RASGEF1C: variants seen among roughly 807,000 people sequenced by gnomAD.
RASGEF1C encodes the protein RasGEF domain family member 1C.
In RASGEF1C, 27 loss-of-function variants were observed where a neutral mutation model predicts 58.1. The observed-to-expected ratio is 0.46, with a 90% CI of 0.34 to 0.64. The LOEUF is 0.64. Among genes scored for constraint, RASGEF1C ranks in the 30% least tolerant of loss-of-function variants. The pLI, the probability that RASGEF1C is intolerant of heterozygous loss-of-function variation, is 0.01. For missense variants in RASGEF1C, 502 were observed against 605.1 expected (o/e 0.83, Z 1.79); for synonymous variants, 243 against 246.3 (o/e 0.99, Z 0.13).
chr5:180,186,923 G>T (rs57422123), intron 1 of RASGEF1C, among the ~76,000 whole-genome samples: 22,299 of 152,112 alleles, frequency 0.15, 1,996 homozygotes, highest in Admixed American at 0.22. Flanking sequence ...CTCCAGCCTG[G>T]GTGACAGAGC....
At chr5:180,128,658 A>T in intron 4 of RASGEF1C, 48 bp from the exon 5 acceptor site, 1 of 1,570,198 alleles carries the variant, frequency 6.4e-7, no homozygotes, top group Non-Finnish European at 8.7e-7. Context: ...TCATCTCTGC[A>T]TCTCTAACAC....
chr5:180,140,032 G>C (rs570907010), intron 1 of RASGEF1C, among the ~76,000 whole-genome samples: 135 of 152,316 alleles, frequency 8.9e-4, no homozygotes, highest in Non-Finnish European at 1.8e-3. Flanking sequence ...TTCTGAAGGA[G>C]GCCAGGAGGC....
At chr5:180,134,021 G>A (rs143458978) in intron 4 of RASGEF1C, among the ~76,000 whole-genome samples, 5 of 152,266 alleles carry the variant, frequency 3.3e-5, no homozygotes, top group African/African-American at 7.2e-5. Flanking sequence ...TTGAGGTCAC[G>A]CAGCTGTGGT....
chr5:180,136,386 A>AG lies in RASGEF1C; in HGVS notation c.429dup (p.Cys144LeufsTer2). On this transcript the variant is annotated frameshift_variant, in exon 4 of 14. Transcript: ENST00000361132. LOFTEE classifies it high-confidence loss of function. Reference sequence around the variant, plus strand: ...CCCGCCCAGCTGCCCACCTCGTCACAGGGGGCGATGCGGCCCACGACGTCC... The same window carrying AG: ...CCCGCCCAGCTGCCCACCTCGTCACAGGGGGGCGATGCGGCCCACGACGTCC... The AG allele has an allele frequency of 1.3e-6, 2 of 1,556,318 alleles. No individual in the cohort carries two copies. The highest frequency in any genetic ancestry group is 8.7e-7 in the Non-Finnish European group (1 of 1,150,044).
chr5:180,195,593 T>C (rs1756255516), intron 1 of RASGEF1C, among the ~76,000 whole-genome samples: 1 of 151,770 alleles, frequency 6.6e-6, no homozygotes, highest in African/African-American at 2.4e-5. Flanking sequence ...ACCCCGTCTC[T>C]ACTAAAAATA....
At chr5:180,180,880 C>T (rs1767313159) in intron 1 of RASGEF1C, among the ~76,000 whole-genome samples, 2 of 152,258 alleles carry the variant, frequency 1.3e-5, no homozygotes, top group African/African-American at 4.8e-5. Context: ...TGCCCCTCTT[C>T]ACCCACTAAC....
chr5:180,125,027 G>C (rs1019630645), intron 6 of RASGEF1C, among the ~76,000 whole-genome samples: 13 of 152,202 alleles, frequency 8.5e-5, no homozygotes, highest in Admixed American at 6.5e-4. Context: ...CAGCTACTTG[G>C]GGGGCTGAGG....
intron 1 of RASGEF1C, among the ~76,000 whole-genome samples, chr5:180,194,775 G>A (rs1756235463): frequency 6.6e-6 from 1 of 152,194 alleles, no homozygotes; most frequent in Admixed American, 6.5e-5. Context: ...ACAGGGCTCC[G>A]GAGCCTGACC....
chr5:180,173,728 C>T (rs994781188), intron 1 of RASGEF1C, among the ~76,000 whole-genome samples: 2 of 152,030 alleles, frequency 1.3e-5, no homozygotes, highest in Non-Finnish European at 2.9e-5. Flanking sequence ...GCCTGGCCAA[C>T]ATGGTGAAAC....
intron 11 of RASGEF1C, among the ~76,000 whole-genome samples, chr5:180,112,467 C>T (rs1765974421): frequency 6.6e-6 from 1 of 152,224 alleles, no homozygotes; most frequent in Non-Finnish European, 1.5e-5. Context: ...CCTCTCTGGG[C>T]TATAGATGAA....
intron 11 of RASGEF1C, 111 bp downstream of exon 11, chr5:180,114,335 C>T (rs1336405287): frequency 9.9e-6 from 10 of 1,011,054 alleles, no homozygotes; most frequent in Non-Finnish European, 1.5e-5. Context: ...GTGAACTGCT[C>T]ATTCTGCCCC....
At chr5:180,136,831 G>C (rs1766487966) in intron 3 of RASGEF1C, 1 of 383,536 alleles carries the variant, frequency 2.6e-6, no homozygotes, top group Admixed American at 4.2e-5. Flanking sequence ...GTGGGTCTAG[G>C]TCTGTGCCGA....
At chr5:180,200,447 C>T (rs1177470646) in intron 1 of RASGEF1C, among the ~76,000 whole-genome samples, 4 of 150,976 alleles carry the variant, frequency 2.6e-5, no homozygotes, top group Non-Finnish European at 5.9e-5. Flanking sequence ...GTAGCCGGGA[C>T]TACAGGCGCC....
chr5:180,175,547 G>C (rs565960535), intron 1 of RASGEF1C, among the ~76,000 whole-genome samples: 1 of 152,308 alleles, frequency 6.6e-6, no homozygotes, highest in Non-Finnish European at 1.5e-5. Context: ...TGTTGAAGGA[G>C]CCACTCCAGG....
intron 1 of RASGEF1C, among the ~76,000 whole-genome samples, chr5:180,180,260 A>C (rs1418621824): frequency 8.6e-5 from 13 of 152,028 alleles, no homozygotes; most frequent in Admixed American, 8.5e-4. Context: ...GGTCTGATTG[A>C]CTCCAAGTCA....
intron 4 of RASGEF1C, among the ~76,000 whole-genome samples, chr5:180,129,611 T>A (rs1222783059): frequency 1.3e-5 from 2 of 152,172 alleles, no homozygotes; most frequent in Non-Finnish European, 2.9e-5. Context: ...CAAAATCGCA[T>A]GAAGGAAAAC....
At chr5:180,115,076 G>T (rs571120112) in intron 10 of RASGEF1C, among the ~76,000 whole-genome samples, 1 of 151,792 alleles carries the variant, frequency 6.6e-6, no homozygotes, top group African/African-American at 2.4e-5. Flanking sequence ...GTGCAATGGC[G>T]TGATCTCAGC....
chr5:180,104,136 T>C (rs1765840412), intron 12 of RASGEF1C, among the ~76,000 whole-genome samples: 1 of 152,200 alleles, frequency 6.6e-6, no homozygotes, highest in Non-Finnish European at 1.5e-5. Flanking sequence ...ATTTTCTTTT[T>C]TTGGTACTGT....
At chr5:180,204,247 T>C (rs574765844) in intron 1 of RASGEF1C, among the ~76,000 whole-genome samples, 1 of 152,362 alleles carries the variant, frequency 6.6e-6, no homozygotes, top group Non-Finnish European at 1.5e-5. Flanking sequence ...TGAGCATTTG[T>C]GTACAAGTCT....
Sources: allele counts gnomAD v4.1 joint callset (sites outside exome capture counted in the v4.1 genomes callset), GRCh38; gene constraint gnomAD v4.1.1; transcripts MANE v1.5; gene names NCBI Gene and HGNC (gene_info 2026-07-23, HGNC 2026-07-21).